Variants in SOX5 observed in about 807,000 individuals in gnomAD.
The protein encoded by SOX5 is SRY-box transcription factor 5, also known as transcription factor SOX-5.
Under a neutral mutation model 92.0 loss-of-function variants are expected in SOX5, and 9 were observed. That is an observed-to-expected ratio of 0.10 (90% CI 0.06 to 0.17). SOX5 has a LOEUF of 0.17. Ranked by LOEUF, SOX5 falls within the 10% of genes least tolerant of loss-of-function variation. The pLI, the probability that SOX5 is intolerant of heterozygous loss-of-function variation, is 1.00. For synonymous variants in SOX5, 344 were observed against 336.3 expected (o/e 1.02, Z -0.25); for missense variants, 642 against 944.5 (o/e 0.68, Z 4.20).
chr12:24,074,080 A>G (rs1031176305), intron 4 of SOX5, among the ~76,000 whole-genome samples: 5 of 152,148 alleles, frequency 3.3e-5, no homozygotes, highest in Admixed American at 3.3e-4. Flanking sequence ...CAAGATGTAG[A>G]ACAAGTTCAG....
chr12:23,662,959 C>A (rs1263356665), intron 7 of SOX5, among the ~76,000 whole-genome samples: 1 of 152,106 alleles, frequency 6.6e-6, no homozygotes, highest in Non-Finnish European at 1.5e-5. Flanking sequence ...TAATTGGCAA[C>A]CGGAAAAGTC....
At chr12:23,703,907 C>T (rs2091017619) in intron 6 of SOX5, among the ~76,000 whole-genome samples, 1 of 151,920 alleles carries the variant, frequency 6.6e-6, no homozygotes, top group Non-Finnish European at 1.5e-5. Context: ...ACTGCACATA[C>T]TATGTTCAGT....
intron 8 of SOX5, among the ~76,000 whole-genome samples, chr12:23,608,115 G>GAA (rs772255622): frequency 0.01 from 458 of 44,076 alleles, 10 homozygotes; most frequent in South Asian, 0.017. Context: ...AAAGAAAAAA[G>GAA]AAAAAAAAAA....
Position 23,719,622 on chromosome 12 carries a change from T to C in SOX5, c.810+15062A>G, listed in dbSNP as rs189988010. On this transcript the variant is annotated intron_variant, in intron 6 of 14. Transcript: ENST00000451604. ...TTTTTAATTAGCTGGGCATGGATGG[T>C]GGCATGCACCTGTGGTCCTAGCCAC... 2.3e-3 allele frequency among the ~76,000 whole-genome samples: 353 copies of C among 151,712 alleles called. 1 individual carries two copies. Among genetic ancestry groups the C allele is most frequent in the African/African-American group, 8.1e-3 (334 of 41,344 alleles).
chr12:23,845,988 G>A lies in SOX5; in HGVS notation c.476C>T (p.Pro159Leu), dbSNP rs1207460707. The A allele has an allele frequency of 1.2e-5, 20 of 1,613,048 alleles. No individual in the cohort carries two copies. The highest frequency in any genetic ancestry group is 2.2e-5 in the East Asian group (1 of 44,860). Residue 159 changes from proline (P) to leucine (L), a missense_variant, in exon 3 of 15, where the codon CCG (proline) becomes CTG (leucine). Around this residue, in one of 8 missense-constraint regions of SOX5, gnomAD observed 324 missense variants for 461.6 expected, o/e 0.70. Transcript: ENST00000451604. Reference protein sequence around the residue: ...RKMEELIKNEPEETPSIEKLL... With the variant: ...RKMEELIKNELEETPSIEKLL... ...TTTTCTCTTCCAGCCTTTACCTTCC[G>A]GCTCGTTTTTGATGAGCTCTTCCAT...
chr12:23,964,195 T>TA (rs960438521), intron 4 of SOX5, among the ~76,000 whole-genome samples: 9 of 152,064 alleles, frequency 5.9e-5, no homozygotes, highest in East Asian at 1.9e-4. Context: ...ATTGGGAAAT[T>TA]AAAAAAAATT....
At chr12:23,636,626 A>T (rs2079280158) in intron 8 of SOX5, among the ~76,000 whole-genome samples, 1 of 152,210 alleles carries the variant, frequency 6.6e-6, no homozygotes, top group Admixed American at 6.5e-5. Flanking sequence ...TACCTGAATT[A>T]ACATATATCC....
chr12:24,286,796 CTT>C (rs1316511368), intron 2 of SOX5, among the ~76,000 whole-genome samples: 2 of 152,170 alleles, frequency 1.3e-5, no homozygotes, highest in Non-Finnish European at 2.9e-5. Context: ...AGCCAAATGA[CTT>C]AGGGTGTATG....
At chr12:23,666,243 C>T (rs553234075) in intron 6 of SOX5, among the ~76,000 whole-genome samples, 34 of 152,068 alleles carry the variant, frequency 2.2e-4, no homozygotes, top group Non-Finnish European at 3.8e-4. Flanking sequence ...AACATTTTTG[C>T]CTGCATCTAT....
At chr12:23,699,120 C>CTCTG (rs568195371) in intron 6 of SOX5, among the ~76,000 whole-genome samples, 33 of 152,156 alleles carry the variant, frequency 2.2e-4, no homozygotes, top group Non-Finnish European at 2.9e-4. Context: ...TAGTTTTTCT[C>CTCTG]TCTGTCTGTC....
At chr12:24,325,563 C>A (rs1950600783) in intron 2 of SOX5, among the ~76,000 whole-genome samples, 1 of 152,052 alleles carries the variant, frequency 6.6e-6, no homozygotes, top group Non-Finnish European at 1.5e-5. Flanking sequence ...CAATGAAGAA[C>A]CGAGCCACCC....
chr12:24,508,826 G>A (rs1949040614), intron 1 of SOX5, among the ~76,000 whole-genome samples: 1 of 152,142 alleles, frequency 6.6e-6, no homozygotes, highest in Admixed American at 6.5e-5. Context: ...AAAACATAAA[G>A]AGGTCCCCTG....
At chr12:23,741,168 C>G in intron 4 of SOX5, 129 bp from the exon 5 acceptor site, 1 of 567,746 alleles carries the variant, frequency 1.8e-6, no homozygotes, top group Non-Finnish European at 2.7e-6. Flanking sequence ...CATTACCTAC[C>G]TTCTTTTACA....
intron 4 of SOX5, among the ~76,000 whole-genome samples, chr12:24,006,296 T>G (rs1952154472): frequency 6.6e-6 from 1 of 152,174 alleles, no homozygotes; most frequent in Non-Finnish European, 1.5e-5. Flanking sequence ...GTTAAATGAT[T>G]AATCCTAAGA....
chr12:24,445,818 T>C (rs1344389358), intron 1 of SOX5, among the ~76,000 whole-genome samples: 1 of 152,202 alleles, frequency 6.6e-6, no homozygotes, highest in African/African-American at 2.4e-5. Flanking sequence ...GGCTTGGACA[T>C]TGGACATATT....
At chr12:23,830,026 A>G (rs2096289884) in intron 3 of SOX5, among the ~76,000 whole-genome samples, 1 of 152,182 alleles carries the variant, frequency 6.6e-6, no homozygotes, top group African/African-American at 2.4e-5. Context: ...GAGGTATTTC[A>G]GGAAAATATA....
rs138749169 is a variant in SOX5 at position 24,261,274 on chromosome 12, G to T, written c.-77+15942C>A. The stretch of plus-strand genomic sequence containing the variant: ...CCAGTCAATGTGACTAAAATTTTTA[G>T]CAGAAAAGGTAGCTGATGGACTCAT... On this transcript the variant is annotated intron_variant, in intron 3 of 4. Transcript: ENST00000446891. Among the ~76,000 whole-genome samples the T allele has an allele frequency of 4.8e-3, 727 of 152,088 alleles. 7 individuals carry two copies. The highest frequency in any genetic ancestry group is 0.016 in the African/African-American group (679 of 41,486).
intron 1 of SOX5, among the ~76,000 whole-genome samples, chr12:24,433,596 G>A (rs1223153433): frequency 1.3e-5 from 2 of 152,212 alleles, no homozygotes; most frequent in Non-Finnish European, 2.9e-5. Context: ...AATCACAGCA[G>A]TAGGAACTAA....
intron 3 of SOX5, among the ~76,000 whole-genome samples, chr12:24,240,184 C>G (rs1250705322): frequency 6.6e-6 from 1 of 152,050 alleles, no homozygotes; most frequent in Non-Finnish European, 1.5e-5. Flanking sequence ...TAAGATATAG[C>G]CAAATCATAT....
Sources: allele counts gnomAD v4.1 joint callset (sites outside exome capture counted in the v4.1 genomes callset), GRCh38; gene constraint gnomAD v4.1.1; regional missense constraint gnomAD v4.1.1; transcripts MANE v1.5; gene names NCBI Gene and HGNC (gene_info 2026-07-23, HGNC 2026-07-21).